Variants in TCF4 observed in about 807,000 individuals in gnomAD.
TCF4 encodes SL3-3 enhancer factor 2.
Under a neutral mutation model 82.1 loss-of-function variants are expected in TCF4, and 3 were observed. The observed-to-expected ratio is 0.04, with a 90% confidence interval of 0.02 to 0.09. The LOEUF (loss-of-function observed/expected upper bound fraction) is 0.09. TCF4 is among the 10% of genes least tolerant of loss of function. The pLI, the probability that TCF4 is intolerant of heterozygous loss-of-function variation, is 1.00. For synonymous variants in TCF4, 276 were observed against 309.6 expected (o/e 0.89, Z 1.14); for missense variants, 518 against 852.7 (o/e 0.61, Z 4.89).
intron 3 of TCF4, among the ~76,000 whole-genome samples, chr18:55,475,133 T>C (rs1268103229): frequency 1.3e-5 from 2 of 152,214 alleles, no homozygotes; most frequent in Non-Finnish European, 2.9e-5. Flanking sequence ...AATAGGGAAC[T>C]TCCTCCCTCT....
chr18:55,529,918 CAGACTT>C (rs1482843097), intron 3 of TCF4, among the ~76,000 whole-genome samples: 1 of 152,078 alleles, frequency 6.6e-6, no homozygotes, highest in Non-Finnish European at 1.5e-5. Flanking sequence ...TCCTAGAACT[CAGACTT>C]AGAAAAGGAC....
chr18:55,496,218 G>T (rs1034317548), intron 3 of TCF4: 6 of 152,120 alleles, frequency 3.9e-5, no homozygotes, highest in Admixed American at 2.0e-4. Flanking sequence ...GCCAAGTAAA[G>T]AACCTAAATT....
At chr18:55,442,900 A>G (rs897364370) in intron 5 of TCF4, among the ~76,000 whole-genome samples, 2 of 152,224 alleles carry the variant, frequency 1.3e-5, no homozygotes, top group African/African-American at 2.4e-5. Context: ...ACCAGCCCAG[A>G]GTCTACAGAA....
At chr18:55,565,609 CAAAG>C (rs1568413342) in intron 3 of TCF4, among the ~76,000 whole-genome samples, 2 of 152,054 alleles carry the variant, frequency 1.3e-5, no homozygotes, top group African/African-American at 4.8e-5. Context: ...AAAAGCAAAA[CAAAG>C]AAGCTTAAGT....
At chr18:55,435,717 A>G (rs1242063653) in intron 5 of TCF4, among the ~76,000 whole-genome samples, 1 of 152,004 alleles carries the variant, frequency 6.6e-6, no homozygotes, top group Non-Finnish European at 1.5e-5. Flanking sequence ...TGACTCAAAC[A>G]CGCCTCCATC....
chr18:55,560,384 T>A (rs1396643418), intron 3 of TCF4, among the ~76,000 whole-genome samples: 1 of 152,234 alleles, frequency 6.6e-6, no homozygotes, highest in East Asian at 1.9e-4. Flanking sequence ...GAGCTCTTAG[T>A]ATGTGCTAAA....
intron 8 of TCF4, among the ~76,000 whole-genome samples, chr18:55,346,888 AC>A (rs1449167770): frequency 1.3e-5 from 2 of 152,174 alleles, no homozygotes; most frequent in Admixed American, 6.5e-5. Context: ...AGATTTTAGT[AC>A]TTTCATGTTA....
intron 14 of TCF4, among the ~76,000 whole-genome samples, chr18:55,255,414 A>C (rs191822138): frequency 2.6e-5 from 4 of 152,324 alleles, no homozygotes; most frequent in Admixed American, 2.6e-4. Flanking sequence ...ACTGAGTTCA[A>C]AGCCCCAACT....
chr18:55,234,283 A>G (rs2048729690), intron 16 of TCF4: 1 of 577,220 alleles, frequency 1.7e-6, no homozygotes, highest in Non-Finnish European at 3.1e-6. Flanking sequence ...GCTAAAATAA[A>G]ATTTCCTCTC....
intron 2 of TCF4, among the ~76,000 whole-genome samples, chr18:55,604,736 C>T (rs1330665378): frequency 1.3e-5 from 2 of 152,178 alleles, no homozygotes. Flanking sequence ...AGCCCCATGT[C>T]ATCACCTGGG....
At chr18:55,413,635 A>C (rs1480848352) in intron 5 of TCF4, among the ~76,000 whole-genome samples, 1 of 152,092 alleles carries the variant, frequency 6.6e-6, no homozygotes, top group Non-Finnish European at 1.5e-5. Context: ...CAATGACTGA[A>C]TCTAGGAGCA....
At chr18:55,557,257 A>T (rs1250951199) in intron 3 of TCF4, among the ~76,000 whole-genome samples, 2 of 148,926 alleles carry the variant, frequency 1.3e-5, no homozygotes, top group Non-Finnish European at 3.0e-5. Flanking sequence ...AGACACACAG[A>T]CACACAGACA....
rs577498346 is a variant in TCF4, at chr18:55,466,556, G to A, written c.146-2419C>T. Among the ~76,000 whole-genome samples the A allele has an allele frequency of 2.6e-5, 4 of 152,216 alleles. No homozygotes were observed. The South Asian group carries it at 8.3e-4, about 32-fold the overall frequency. ...CCCAAATAAAAATTGTGTTGAGATT[G>A]AGAAGCCCTGTGCTAGAGCAAAAGG... On this transcript the variant is annotated intron_variant, in intron 3 of 19. Transcript: ENST00000354452.
At chr18:55,336,741 C>T (rs2078721620) in intron 8 of TCF4, among the ~76,000 whole-genome samples, 2 of 152,100 alleles carry the variant, frequency 1.3e-5, no homozygotes, top group African/African-American at 4.8e-5. Flanking sequence ...TTATTAGTAA[C>T]TGTATATAAC....
intron 3 of TCF4, among the ~76,000 whole-genome samples, chr18:55,562,582 CCT>C (rs1195597691): frequency 6.6e-6 from 1 of 152,162 alleles, no homozygotes; most frequent in Non-Finnish European, 1.5e-5. Flanking sequence ...AGTGTGTCCC[CCT>C]GACTTCCTTG....
intron 3 of TCF4, among the ~76,000 whole-genome samples, chr18:55,474,655 A>C (rs2145309600): frequency 6.6e-6 from 1 of 152,234 alleles, no homozygotes; most frequent in South Asian, 2.1e-4. Flanking sequence ...AGATATCCTA[A>C]CCCCACCTGG....
intron 19 of TCF4, 59 bp from the exon 20 acceptor site, chr18:55,228,089 G>C (rs1368211472): frequency 1.6e-5 from 18 of 1,160,628 alleles, no homozygotes; most frequent in Non-Finnish European, 2.1e-5. Context: ...GAAAAAGTAT[G>C]CTTTTTTTAA....
At chr18:55,330,949 A>G (rs1021037445) in intron 8 of TCF4, among the ~76,000 whole-genome samples, 11 of 152,328 alleles carry the variant, frequency 7.2e-5, no homozygotes, top group Middle Eastern at 3.4e-3. Flanking sequence ...TCAAATAACT[A>G]TGAGTTAAAT....
chr18:55,429,768 A>AAAAAC (rs2095122204), intron 5 of TCF4, among the ~76,000 whole-genome samples: 1 of 148,248 alleles, frequency 6.7e-6, no homozygotes. Context: ...CCATCTCAAA[A>AAAAAC]AAAAAAAAAA....
Sources: gnomAD v4.1 joint callset for allele counts (sites outside exome capture counted in the v4.1 genomes callset) on GRCh38, gnomAD v4.1.1 for gene constraint, MANE v1.5 for transcripts, NCBI Gene and HGNC (gene_info 2026-07-23, HGNC 2026-07-21) for gene names.